SEMA3A: variants seen among roughly 807,000 people sequenced by gnomAD.
SEMA3A encodes the protein semaphorin 3A.
SEMA3A carries 29 observed loss-of-function variants against 97.9 expected under a neutral mutation model. The ratio of observed to expected loss-of-function variants is 0.30; its 90% CI spans 0.22 to 0.40. The LOEUF is 0.40. Ranked by LOEUF, SEMA3A falls within the 10% of genes least tolerant of loss-of-function variation. The probability of loss-of-function intolerance (pLI) is 1.00; values close to 1 mark genes in which losing one functional copy is unlikely to be tolerated. For synonymous variants in SEMA3A, 321 were observed against 323.7 expected (o/e 0.99, Z 0.09); for missense variants, 763 against 951.3 (o/e 0.80, Z 2.60).
At chr7:83,965,099 A>ATTTTTT (rs11332458) in intron 15 of SEMA3A, among the ~76,000 whole-genome samples, 1 of 143,318 alleles carries the variant, frequency 7.0e-6, no homozygotes, top group Non-Finnish European at 1.5e-5. Context: ...ACTTTTTTGT[A>ATTTTTT]TTTTTTTTTT....
chr7:84,454,454 C>G (rs566272183), intron 1 of SEMA3A, among the ~76,000 whole-genome samples: 2 of 152,230 alleles, frequency 1.3e-5, no homozygotes, highest in South Asian at 2.1e-4. Context: ...AGTTATTTGA[C>G]ACTGGCAAGT....
intron 1 of SEMA3A, among the ~76,000 whole-genome samples, chr7:84,400,955 T>C (rs1295414582): frequency 3.3e-5 from 5 of 152,156 alleles, no homozygotes; most frequent in African/African-American, 1.2e-4. Flanking sequence ...CTGTAAGAAC[T>C]GGAACAAGAA....
intron 4 of SEMA3A, among the ~76,000 whole-genome samples, chr7:84,065,447 C>T (rs976882193): frequency 1.3e-5 from 2 of 150,992 alleles, no homozygotes; most frequent in African/African-American, 2.5e-5. Flanking sequence ...AGTAGAGACA[C>T]AAAAAACCCT....
chr7:84,078,461 G>GT (rs1794030453), intron 4 of SEMA3A, among the ~76,000 whole-genome samples: 1 of 151,986 alleles, frequency 6.6e-6, no homozygotes, highest in Non-Finnish European at 1.5e-5. Context: ...CTAAACCATT[G>GT]TAACTCATTT....
At chr7:84,305,828 C>T (rs1336390748) in intron 3 of SEMA3A, among the ~76,000 whole-genome samples, 1 of 151,702 alleles carries the variant, frequency 6.6e-6, no homozygotes, top group Non-Finnish European at 1.5e-5. Flanking sequence ...GTATGATGCA[C>T]TCATGAAAAA....
At chr7:84,266,313 CAAAAA>C in intron 3 of SEMA3A, among the ~76,000 whole-genome samples, 1 of 70,476 alleles carries the variant, frequency 1.4e-5, no homozygotes, top group South Asian at 6.3e-4. Flanking sequence ...GATTTGGTCT[CAAAAA>C]AAAAAAAAAA....
At chr7:83,967,008 G>C (rs1309412809) in intron 15 of SEMA3A, among the ~76,000 whole-genome samples, 2 of 152,156 alleles carry the variant, frequency 1.3e-5, no homozygotes, top group African/African-American at 4.8e-5. Flanking sequence ...ACCGCGCCCG[G>C]CCAAAAGTAA....
chr7:84,382,164 G>A (rs892655187), intron 1 of SEMA3A, among the ~76,000 whole-genome samples: 21 of 152,044 alleles, frequency 1.4e-4, no homozygotes, highest in Non-Finnish European at 2.5e-4. Context: ...CTAGTGTGCA[G>A]TGGCATGACC....
At chr7:84,317,432 G>A (rs1801536295) in intron 2 of SEMA3A, among the ~76,000 whole-genome samples, 2 of 152,170 alleles carry the variant, frequency 1.3e-5, no homozygotes, top group Admixed American at 1.3e-4. Flanking sequence ...CTATCTAGGT[G>A]TTGAAGTAAG....
intron 2 of SEMA3A, among the ~76,000 whole-genome samples, chr7:84,370,445 TATAAA>T: frequency 6.6e-6 from 1 of 151,820 alleles, no homozygotes; most frequent in African/African-American, 2.4e-5. Flanking sequence ...TAAGATAAAA[TATAAA>T]ATATCTATGG....
intron 6 of SEMA3A, among the ~76,000 whole-genome samples, chr7:84,030,191 T>TA (rs1457691524): frequency 3.3e-5 from 5 of 152,138 alleles, no homozygotes; most frequent in Non-Finnish European, 7.4e-5. Flanking sequence ...ACTTTCTATT[T>TA]AGAAAGCCTT....
At chr7:83,968,033 G>A (rs1788774423) in intron 15 of SEMA3A, among the ~76,000 whole-genome samples, 1 of 152,002 alleles carries the variant, frequency 6.6e-6, no homozygotes, top group African/African-American at 2.4e-5. Context: ...CTTTATTAAA[G>A]CAAACAGCCG....
chr7:84,354,181 A>C (rs1802501132), intron 2 of SEMA3A, among the ~76,000 whole-genome samples: 1 of 151,600 alleles, frequency 6.6e-6, no homozygotes, highest in Non-Finnish European at 1.5e-5. Flanking sequence ...GATATACTAA[A>C]AAGAATTGAC....
At chr7:84,363,347 T>C (rs1055619092) in intron 2 of SEMA3A, among the ~76,000 whole-genome samples, 6 of 151,892 alleles carry the variant, frequency 4.0e-5, no homozygotes, top group African/African-American at 1.4e-4. Context: ...AGAGACTAGA[T>C]TGTCACTGCT....
intron 6 of SEMA3A, among the ~76,000 whole-genome samples, chr7:84,016,307 A>C (rs989704234): frequency 3.9e-5 from 6 of 152,120 alleles, no homozygotes; most frequent in Non-Finnish European, 8.8e-5. Context: ...TGGGAGGCTG[A>C]GGCGGGTGGA....
intron 2 of SEMA3A, among the ~76,000 whole-genome samples, chr7:84,322,300 C>T (rs1282681536): frequency 2.0e-5 from 3 of 152,050 alleles, no homozygotes; most frequent in Non-Finnish European, 4.4e-5. Flanking sequence ...TGAATTAATA[C>T]TTGTAGAACA....
At chr7:84,020,473 A>C (rs1791288710) in intron 6 of SEMA3A, among the ~76,000 whole-genome samples, 1 of 152,008 alleles carries the variant, frequency 6.6e-6, no homozygotes, top group Non-Finnish European at 1.5e-5. Flanking sequence ...ATTCTGGATA[A>C]AAATTTCTAT....
At chr7:84,445,487 C>G in intron 1 of SEMA3A, among the ~76,000 whole-genome samples, 1 of 40,800 alleles carries the variant, frequency 2.5e-5, no homozygotes, top group Non-Finnish European at 4.4e-5. Context: ...GAGTGAGACT[C>G]CATCTCAAAA....
At chr7:84,433,159 G>A (rs544004466) in intron 1 of SEMA3A, among the ~76,000 whole-genome samples, 2 of 151,860 alleles carry the variant, frequency 1.3e-5, no homozygotes, top group African/African-American at 4.8e-5. Context: ...CATGTGCCAT[G>A]GTGGTTTGTT....
Sources: allele counts gnomAD v4.1 joint callset (sites outside exome capture counted in the v4.1 genomes callset), GRCh38; gene constraint gnomAD v4.1.1; transcripts MANE v1.5; gene names NCBI Gene and HGNC (gene_info 2026-07-23, HGNC 2026-07-21).